The following KLF17 variants were observed in gnomAD, a reference collection of about 807,000 sequenced individuals.
KLF17 encodes Krueppel-like factor 17.
A neutral mutation model predicts 34.2 loss-of-function variants in KLF17; 31 were observed. The observed-to-expected ratio is 0.91, with a 90% CI of 0.68 to 1.22. The LOEUF (loss-of-function observed/expected upper bound fraction) is 1.22, where lower values mean the gene tolerates loss of function less well. KLF17 is among the 50% of genes most tolerant of loss of function. The probability of loss-of-function intolerance (pLI) is 0.00; values close to 1 mark genes in which losing one functional copy is unlikely to be tolerated. For synonymous variants in KLF17, 179 were observed against 186.7 expected, an observed-to-expected ratio of 0.96 and a Z score of 0.34; for missense variants, 478 against 505.2, an observed-to-expected ratio of 0.95 and a Z score of 0.52.
chr1:44,047,661 G>A, the KLF17 span, among the ~76,000 whole-genome samples: 1 of 152,146 alleles, frequency 6.6e-6, no homozygotes, highest in Non-Finnish European at 1.5e-5. Context: ...CCTGCCCTGG[G>A]ACCAAGGATT....
chr1:44,110,880 G>T, the KLF17 span, among the ~76,000 whole-genome samples: 6 of 151,880 alleles, frequency 4.0e-5, no homozygotes, highest in Non-Finnish European at 5.9e-5. Flanking sequence ...CCAGCACTTT[G>T]GGAGGCCAAG....
chr1:44,112,277 C>T, the KLF17 span, among the ~76,000 whole-genome samples: 1 of 152,162 alleles, frequency 6.6e-6, no homozygotes, highest in Non-Finnish European at 1.5e-5. Flanking sequence ...GAAGTCTAAG[C>T]CTGTACCTTC....
the KLF17 span, among the ~76,000 whole-genome samples, chr1:44,102,854 TA>T: frequency 8.2e-5 from 11 of 133,346 alleles, no homozygotes; most frequent in Admixed American, 1.5e-4. Context: ...AAAACTGCCA[TA>T]AAAAAATGTT....
chr1:44,061,757 A>G, the KLF17 span, among the ~76,000 whole-genome samples: 9 of 152,240 alleles, frequency 5.9e-5, no homozygotes, highest in African/African-American at 2.2e-4. Flanking sequence ...ATCGCTACCA[A>G]AAATACAAAA....
chr1:44,069,255 C>G, the KLF17 span, among the ~76,000 whole-genome samples: 1 of 152,246 alleles, frequency 6.6e-6, no homozygotes, highest in African/African-American at 2.4e-5. This position sits in a 1 kb window ranked among gnomAD's most constrained non-coding sequence, Gnocchi z 4.7. Flanking sequence ...CCAGAGGGGT[C>G]CACCCCAGTC....
chr1:44,055,978 G>C, the KLF17 span, among the ~76,000 whole-genome samples: 1 of 152,138 alleles, frequency 6.6e-6, no homozygotes, highest in Admixed American at 6.6e-5. Context: ...GATGCTCATT[G>C]GTTCATAGTA....
the KLF17 span, chr1:44,103,800 C>G: frequency 1.1e-6 from 1 of 873,032 alleles, no homozygotes; most frequent in Non-Finnish European, 1.9e-6. Flanking sequence ...AGCCCTCTGG[C>G]CTTTGAGGCA....
the KLF17 span, chr1:44,044,881 T>G: frequency 4.6e-5 from 7 of 152,258 alleles, no homozygotes; most frequent in African/African-American, 1.7e-4. Flanking sequence ...GAGGGACACA[T>G]CCAGGTTTTC....
At chr1:44,120,504 G>A (rs193272291) in intron 1 of KLF17, among the ~76,000 whole-genome samples, 2 of 152,224 alleles carry the variant, frequency 1.3e-5, no homozygotes, top group Non-Finnish European at 2.9e-5. Context: ...GGTCGTATAA[G>A]CTCCTGAGAG....
the KLF17 span, chr1:44,061,153 G>A: frequency 6.6e-6 from 1 of 152,158 alleles, no homozygotes; most frequent in East Asian, 1.9e-4. Context: ...GACAATCCTT[G>A]CACAAGGCTT....
the KLF17 span, among the ~76,000 whole-genome samples, chr1:44,072,867 A>G: frequency 6.6e-6 from 1 of 152,142 alleles, no homozygotes; most frequent in Non-Finnish European, 1.5e-5. Context: ...GTCATGTAGG[A>G]GGAAAATCGG....
the KLF17 span, among the ~76,000 whole-genome samples, chr1:44,046,926 G>C: frequency 6.6e-6 from 1 of 151,700 alleles, no homozygotes; most frequent in Non-Finnish European, 1.5e-5. Flanking sequence ...AGGAGGCTGA[G>C]GCAGGAGAAT....
At chr1:44,058,729 A>T in the KLF17 span, among the ~76,000 whole-genome samples, 2 of 114,304 alleles carry the variant, frequency 1.7e-5, no homozygotes, top group East Asian at 5.8e-4. Flanking sequence ...TCGCTCAGTC[A>T]CAGGCTGGAG....
At chr1:44,090,306 C>CAAAAAAAAAAAAAAAAAAAAAAAAAAAA in the KLF17 span, among the ~76,000 whole-genome samples, 2 of 23,416 alleles carry the variant, frequency 8.5e-5, no homozygotes, top group Non-Finnish European at 1.4e-4. Flanking sequence ...CTTGTCTCTA[C>CAAAAAAAAAAAAAAAAAAAAAAAAAAAA]AAAAAAAAAA....
chr1:44,064,274 A>G, the KLF17 span, among the ~76,000 whole-genome samples: 2 of 152,188 alleles, frequency 1.3e-5, no homozygotes, highest in South Asian at 2.1e-4. Flanking sequence ...ATAAAAAGAT[A>G]TATGCTTATT....
At chr1:44,109,286 A>T in the KLF17 span, among the ~76,000 whole-genome samples, 5 of 152,246 alleles carry the variant, frequency 3.3e-5, no homozygotes, top group South Asian at 2.1e-4. Flanking sequence ...GAGACCAGTA[A>T]GAGCTTTTGT....
the KLF17 span, among the ~76,000 whole-genome samples, chr1:44,087,769 T>TACACACACAC: frequency 5.7e-5 from 3 of 52,282 alleles, no homozygotes; most frequent in Middle Eastern, 0.013. Flanking sequence ...TATATATATA[T>TACACACACAC]ACACACACAC....
the KLF17 span, among the ~76,000 whole-genome samples, chr1:44,090,636 C>A: frequency 6.6e-6 from 1 of 152,134 alleles, no homozygotes; most frequent in Non-Finnish European, 1.5e-5. Flanking sequence ...AACACGAAAA[C>A]GAATCCTGTA....
At chr1:44,102,046 A>AAAACAAACAAACAAAC in the KLF17 span, among the ~76,000 whole-genome samples, 6 of 151,352 alleles carry the variant, frequency 4.0e-5, no homozygotes, top group Non-Finnish European at 8.8e-5. Flanking sequence ...CCCTGTCTCA[A>AAAACAAACAAACAAAC]AAACAAACAA....
Sources: allele counts gnomAD v4.1 joint callset (sites outside exome capture counted in the v4.1 genomes callset), GRCh38; gene constraint gnomAD v4.1.1; non-coding constraint Gnocchi (gnomAD v3.1); transcripts MANE v1.5; gene names NCBI Gene and HGNC (gene_info 2026-07-23, HGNC 2026-07-21).